Variants in PRDM6 observed in about 807,000 individuals in gnomAD.
PRDM6 encodes the protein PR/SET domain 6, also known as putative histone-lysine N-methyltransferase PRDM6.
In PRDM6, 25 loss-of-function variants were observed where a neutral mutation model predicts 60.8. That is an observed-to-expected ratio of 0.41 (90% CI 0.30 to 0.57). The LOEUF (loss-of-function observed/expected upper bound fraction) is 0.57. PRDM6 is among the 20% of genes least tolerant of loss of function. The pLI is 0.27. For missense variants in PRDM6, 839 were observed against 821.3 expected (o/e 1.02, Z -0.26); for synonymous variants, 407 against 357.4 (o/e 1.14, Z -1.57).
intron 3 of PRDM6, among the ~76,000 whole-genome samples, chr5:123,148,113 T>A (rs1172023858): frequency 6.6e-6 from 1 of 152,232 alleles, no homozygotes; most frequent in African/African-American, 2.4e-5. Context: ...TTTTCAACTG[T>A]TTTTCTGATT....
intron 3 of PRDM6, 101 bp downstream of exon 3, chr5:123,100,062 G>A (rs916385545): frequency 2.5e-6 from 3 of 1,223,156 alleles, no homozygotes; most frequent in Non-Finnish European, 2.2e-6. Flanking sequence ...TGGCAACTGC[G>A]AAGAGAGCCT....
intron 3 of PRDM6, among the ~76,000 whole-genome samples, chr5:123,147,318 A>G (rs1007234288): frequency 2.0e-5 from 3 of 151,220 alleles, no homozygotes; most frequent in Non-Finnish European, 4.4e-5. Context: ...AAAACGAACA[A>G]GAAACTGCTC....
intron 3 of PRDM6, among the ~76,000 whole-genome samples, chr5:123,145,343 G>A (rs1009877521): frequency 2.6e-5 from 4 of 152,168 alleles, no homozygotes; most frequent in Non-Finnish European, 5.9e-5. Context: ...TTGAGGGCAG[G>A]GAGTGGGTCT....
chr5:123,193,791 A>G lies in PRDM6; in HGVS notation c.*6590A>G, dbSNP rs1019098674. ...TAGATGCTATTAGGACATTGTATAC[A>G]TTTCTTTAATGTGGTTATTTTAAGT... On this transcript the variant is annotated 3_prime_UTR_variant, in exon 8 of 8. Transcript: ENST00000407847. 2.0e-5 allele frequency: 3 copies of G among 152,196 alleles called. No homozygotes were observed. Among genetic ancestry groups the G allele is most frequent in the African/African-American group, 7.2e-5 (3 of 41,450 alleles). 9.4% of individuals were successfully genotyped at this position (152,196 alleles called of 1,614,324 possible).
chr5:123,137,436 G>A (rs1280077620), intron 3 of PRDM6, among the ~76,000 whole-genome samples: 2 of 152,188 alleles, frequency 1.3e-5, no homozygotes, highest in Admixed American at 6.5e-5. Context: ...GGGCAGAGCC[G>A]GCCTTGGAAG....
At position 123,187,345 on chromosome 5, in the gene PRDM6, GAGATATTGATCC is replaced by G. The variant is rs577623535; in HGVS notation, c.*145_*156del. 128 of 577,648 alleles carry G rather than the reference GAGATATTGATCC, an allele frequency of 2.2e-4. No homozygotes were observed. The South Asian group carries it at 2.4e-3, about 11-fold the overall frequency. 35.8% of individuals were successfully genotyped at this position (577,648 alleles called of 1,614,324 possible). A position where few individuals can be genotyped will look rare whatever the true frequency, so the allele number is the denominator to read the frequency against. ...AGTAATAAAATAAGTAAGATGTTAA[GAGATATTGATCC>G]TGGCATGGAAGTCAGACCAGGAAAG... On this transcript the variant is annotated 3_prime_UTR_variant, in exon 8 of 8. Coordinates refer to ENST00000407847, the MANE Select transcript of PRDM6 (RefSeq NM_001136239.4).
At chr5:123,100,630 A>G (rs1410009523) in intron 3 of PRDM6, among the ~76,000 whole-genome samples, 1 of 152,248 alleles carries the variant, frequency 6.6e-6, no homozygotes, top group East Asian at 1.9e-4. Context: ...GAAATTATGT[A>G]ATCTTCATCA....
At position 123,180,369 on chromosome 5, in the gene PRDM6, C is replaced by T. The variant is rs1362193735; in HGVS notation, c.1673+46C>T. ...CACCCTCTCTTTCTCTTAGCCTTTC[C>T]CAAGAGCCAGCTGATGCATCAGCAC... is the stretch of plus-strand genomic sequence containing the variant. On this transcript the variant is annotated intron_variant, in intron 7 of 7. Coordinates refer to ENST00000407847, the MANE Select transcript of PRDM6 (RefSeq NM_001136239.4). 1.0e-5 allele frequency: 15 copies of T among 1,504,776 alleles called. No individual in the cohort carries two copies. The Admixed American group carries it at 2.7e-4, about 27-fold the overall frequency. 93.2% of individuals were successfully genotyped at this position (1,504,776 alleles called of 1,614,324 possible). A position where few individuals can be genotyped will look rare whatever the true frequency, so the allele number is the denominator to read the frequency against.
chr5:123,152,075 G>A (rs1397258311), intron 3 of PRDM6, among the ~76,000 whole-genome samples: 2 of 152,148 alleles, frequency 1.3e-5, no homozygotes, highest in African/African-American at 4.8e-5. Flanking sequence ...TGGATCTTGG[G>A]TCAGATGATG....
intron 3 of PRDM6, among the ~76,000 whole-genome samples, chr5:123,147,308 A>AG (rs1561853193): frequency 1.5e-4 from 23 of 148,832 alleles, no homozygotes; most frequent in African/African-American, 5.4e-4. Context: ...AGAGAGAGAG[A>AG]AAACGAACAA....
chr5:123,187,227 G>T lies in PRDM6; in HGVS notation c.*26G>T. 2 of 1,496,566 alleles carry T rather than the reference G, an allele frequency of 1.3e-6. No homozygotes were observed. The highest frequency in any genetic ancestry group is 9.1e-7 in the Non-Finnish European group (1 of 1,097,428). 92.7% of individuals were successfully genotyped at this position (1,496,566 alleles called of 1,614,324 possible). A position where few individuals can be genotyped will look rare whatever the true frequency, so the allele number is the denominator to read the frequency against. ...CGGATTGACTGGTTGGAATTAAACTGCAAGGAAAGTCATGATTAAATGTCA... is the reference window on the plus strand; with the variant it reads ...CGGATTGACTGGTTGGAATTAAACTTCAAGGAAAGTCATGATTAAATGTCA... On this transcript the variant is annotated 3_prime_UTR_variant, in exon 8 of 8. Coordinates refer to ENST00000407847, the MANE Select transcript of PRDM6 (RefSeq NM_001136239.4).
chr5:123,189,127 T>C lies in PRDM6; in HGVS notation c.*1926T>C, dbSNP rs1325553154. 6.6e-6 allele frequency: 1 copy of C among 152,198 alleles called. No individual in the cohort carries two copies. Among genetic ancestry groups the C allele is most frequent in the African/African-American group, 2.4e-5 (1 of 41,438 alleles). 9.4% of individuals were successfully genotyped at this position (152,198 alleles called of 1,614,324 possible). A position where few individuals can be genotyped will look rare whatever the true frequency, so the allele number is the denominator to read the frequency against. ...AACTATTCTCTCTGGTAGTTAGGAATGTGTTCTGATTTTACAATTCCCTGC... is the reference window on the plus strand; with the variant it reads ...AACTATTCTCTCTGGTAGTTAGGAACGTGTTCTGATTTTACAATTCCCTGC... On this transcript the variant is annotated 3_prime_UTR_variant, in exon 8 of 8. Transcript: ENST00000407847.
intron 3 of PRDM6, among the ~76,000 whole-genome samples, chr5:123,151,238 G>C (rs1765362097): frequency 6.6e-6 from 1 of 152,140 alleles, no homozygotes; most frequent in South Asian, 2.1e-4. Flanking sequence ...TTGGGAGCAT[G>C]GGAGAGGGCG....
intron 7 of PRDM6, among the ~76,000 whole-genome samples, chr5:123,181,788 T>G (rs1417153635): frequency 6.6e-6 from 1 of 152,136 alleles, no homozygotes; most frequent in Non-Finnish European, 1.5e-5. Context: ...GTGGCGCACT[T>G]TGTGCTCAGC....
In PRDM6 at chr5:123,191,125, T is replaced by C. The variant is rs335168; in HGVS notation, c.*3924T>C. 1.3e-5 allele frequency: 2 copies of C among 152,010 alleles called. No individual in the cohort carries two copies. The highest frequency in any genetic ancestry group is 2.9e-5 in the Non-Finnish European group (2 of 68,004). The allele number at this position is 152,010 out of a possible 1,614,324, so 9.4% of individuals were successfully genotyped here. The stretch of plus-strand genomic sequence containing the variant: ...CCCTTTCAATGATAAGGCAACAAGT[T>C]GGGTACAAGGCTGGAGTTGCTCAGG... On this transcript the variant is annotated 3_prime_UTR_variant, in exon 8 of 8. Coordinates refer to ENST00000407847, the MANE Select transcript of PRDM6 (RefSeq NM_001136239.4).
intron 3 of PRDM6, among the ~76,000 whole-genome samples, chr5:123,108,020 G>A (rs904777144): frequency 6.6e-6 from 1 of 152,076 alleles, no homozygotes; most frequent in Admixed American, 6.5e-5. Flanking sequence ...AAGCTGCGTG[G>A]TTAGCTCTGA....
chr5:123,120,161 C>T (rs540238832), intron 3 of PRDM6, among the ~76,000 whole-genome samples: 7 of 151,998 alleles, frequency 4.6e-5, no homozygotes, highest in South Asian at 2.1e-4. Context: ...CTTAGAAAGC[C>T]GAAGTTTAGA....
chr5:123,167,304 C>T (rs1765773472), intron 5 of PRDM6, among the ~76,000 whole-genome samples: 1 of 152,090 alleles, frequency 6.6e-6, no homozygotes. Flanking sequence ...CTCTTCATCC[C>T]TACTCCCCTG....
chr5:123,099,258 C>T lies in PRDM6; in HGVS notation c.593-396C>T, dbSNP rs912088165. On this transcript the variant is annotated intron_variant, in intron 2 of 7. Coordinates refer to ENST00000407847, the MANE Select transcript of PRDM6 (RefSeq NM_001136239.4). The surrounding 1 kb of genome is among the most constrained non-coding windows in gnomAD (Gnocchi z 4.0). ...AAACCTCAGGAATGGGCGAGAGGGT[C>T]AGAAGGAACGAGAGACAGTAGGGAA... Among the ~76,000 whole-genome samples the T allele has an allele frequency of 2.0e-5, 3 of 151,930 alleles. No homozygotes were observed. Among genetic ancestry groups the T allele is most frequent in the African/African-American group, 7.3e-5 (3 of 41,346 alleles).
Sources: gnomAD v4.1 joint callset for allele counts (sites outside exome capture counted in the v4.1 genomes callset) on GRCh38, gnomAD v4.1.1 for gene constraint, Gnocchi (gnomAD v3.1) non-coding constraint, MANE v1.5 for transcripts, NCBI Gene and HGNC (gene_info 2026-07-23, HGNC 2026-07-21) for gene names.